Variants in MESD observed in about 807,000 individuals in gnomAD.
The protein encoded by MESD is LRP chaperone MESD.
Under a neutral mutation model 12.9 loss-of-function variants are expected in MESD, and 7 were observed. The ratio of observed to expected loss-of-function variants is 0.54; its 90% CI spans 0.31 to 1.02. The LOEUF is 1.02. MESD is among the 50% of genes least tolerant of loss of function. The probability of loss-of-function intolerance (pLI) is 0.05; values close to 1 mark genes in which losing one functional copy is unlikely to be tolerated. For missense variants in MESD, 342 were observed against 296.7 expected (o/e 1.15, Z -1.12); for synonymous variants, 126 against 115.6 (o/e 1.09, Z -0.58).
Position 80,949,081 on chromosome 15 carries a change from C to G in MESD, c.*627-183G>C, listed in dbSNP as rs1901700084. 4 of 944,686 alleles carry G rather than the reference C, an allele frequency of 4.2e-6. No homozygotes were observed. The East Asian group carries it at 1.0e-4, about 24-fold the overall frequency. The allele number at this position is 944,686 out of a possible 1,614,324, so 58.5% of individuals were successfully genotyped here. ...GGGCCAAGGGAAGGCTATCAGAGAC[C>G]CTGGTGCTGCCACCTGCCCCTACTC... On this transcript the variant is annotated intron_variant, in intron 4 of 4. Coordinates refer to the MESD transcript ENST00000561312.
At position 80,951,363 on chromosome 15, in the gene MESD, C is replaced by T. The variant is rs190564656; in HGVS notation, c.*626+596G>A. ...CATTCACCAAGAGCCAATATCTAGG[C>T]ATTTTCTTGGTAGCACAAATTTTCT... On this transcript the variant is annotated intron_variant, in intron 4 of 4. Transcript: ENST00000561312. 2.6e-5 allele frequency: 4 copies of T among 152,680 alleles called. No homozygotes were observed. The East Asian group carries it at 7.7e-4, about 29-fold the overall frequency. 9.5% of individuals were successfully genotyped at this position (152,680 alleles called of 1,614,324 possible).
At chr15:80,985,102 C>A (rs2141816372) in intron 1 of MESD, among the ~76,000 whole-genome samples, 1 of 152,336 alleles carries the variant, frequency 6.6e-6, no homozygotes, top group African/African-American at 2.4e-5. Flanking sequence ...ACCTTCTTTT[C>A]CACTCTGCCA....
intron 3 of MESD, among the ~76,000 whole-genome samples, chr15:80,961,840 G>T (rs1902092230): frequency 6.6e-6 from 1 of 152,196 alleles, no homozygotes; most frequent in Non-Finnish European, 1.5e-5. Context: ...CCTGAAGGAA[G>T]CATTAAACAT....
downstream of MESD, chr15:80,946,906 A>G: frequency 1.7e-6 from 2 of 1,174,640 alleles, no homozygotes; most frequent in African/African-American, 1.5e-5. Flanking sequence ...ATCCCTCCCC[A>G]TGCCCACTTT....
intron 3 of MESD, among the ~76,000 whole-genome samples, chr15:80,958,100 T>A (rs1902020806): frequency 6.6e-6 from 1 of 152,210 alleles, no homozygotes; most frequent in Non-Finnish European, 1.5e-5. Context: ...AAGTTATTTA[T>A]AGCGGAATTT....
exon 5 of MESD, chr15:80,948,850 C>G (rs201048326): frequency 1.2e-6 from 2 of 1,614,108 alleles, no homozygotes; most frequent in Non-Finnish European, 1.7e-6. Context: ...CTGGGTGACA[C>G]TGGACACTGA....
chr15:80,950,297 A>G (rs1596219460), intron 4 of MESD: 1 of 152,256 alleles, frequency 6.6e-6, no homozygotes, highest in Non-Finnish European at 1.5e-5. Context: ...GGGGAGCCCC[A>G]CCCTAGCCCT....
At chr15:80,985,639 C>CGTTTT (rs1902708144) in intron 1 of MESD, among the ~76,000 whole-genome samples, 1 of 89,050 alleles carries the variant, frequency 1.1e-5, no homozygotes, top group East Asian at 3.0e-4. Context: ...TCCCAAGCAG[C>CGTTTT]TTTTTTTTTT....
intron 1 of MESD, among the ~76,000 whole-genome samples, chr15:80,983,893 A>AATT: frequency 7.9e-6 from 1 of 126,592 alleles, no homozygotes; most frequent in African/African-American, 3.2e-5. Flanking sequence ...GAAAACAGTA[A>AATT]CTTTTTTTTT....
At chr15:80,968,441 G>T (rs945873769) in intron 3 of MESD, among the ~76,000 whole-genome samples, 53 of 152,114 alleles carry the variant, frequency 3.5e-4, no homozygotes, top group African/African-American at 1.2e-3. Flanking sequence ...CTCAGCAAGG[G>T]GCTTAACCCC....
chr15:80,972,858 T>C (rs1306753977), downstream of MESD, among the ~76,000 whole-genome samples: 1 of 152,068 alleles, frequency 6.6e-6, no homozygotes, highest in Non-Finnish European at 1.5e-5. Context: ...CTGTCTCTAC[T>C]AAAAATACAA....
intron 1 of MESD, 79 bp from the exon 2 acceptor site, chr15:80,982,261 G>T: frequency 9.2e-7 from 1 of 1,085,484 alleles, no homozygotes; most frequent in Non-Finnish European, 1.4e-6. Flanking sequence ...ACTTCTGCAT[G>T]ATGTCAGGTG....
rs140272210 is a variant in MESD at position 80,959,681 on chromosome 15, T to A, written c.*289-7385A>T. Among the ~76,000 whole-genome samples, 69 of 152,316 alleles carry A rather than the reference T, an allele frequency of 4.5e-4. No homozygotes were observed. In the East Asian group the frequency reaches 6.4e-3, roughly 14 times the overall value. ...ATTATTAAAGATTTTTAACCCCTCT[T>A]CTTCCAATCCCCCCACCTTTGTGCC... On this transcript the variant is annotated intron_variant, in intron 3 of 4. Coordinates refer to the MESD transcript ENST00000561312.
rs551527527 is a variant in MESD at position 80,987,960 on chromosome 15, T to C, written c.213+1619A>G. Reference sequence around the variant, plus strand: ...CCAACATAAGGAGACCCTGTCTCTATAAAAAATAATTTAAAAAACAAAATC... The same window carrying C: ...CCAACATAAGGAGACCCTGTCTCTACAAAAAATAATTTAAAAAACAAAATC... On this transcript the variant is annotated intron_variant, in intron 1 of 2. Transcript: ENST00000261758. 2.3e-3 allele frequency among the ~76,000 whole-genome samples: 356 copies of C among 152,272 alleles called. 1 individual carries two copies. The highest frequency in any genetic ancestry group is 8.2e-3 in the African/African-American group (340 of 41,566).
downstream of MESD, among the ~76,000 whole-genome samples, chr15:80,973,539 AAAAT>A (rs770624821): frequency 2.6e-5 from 4 of 152,178 alleles, no homozygotes; most frequent in Admixed American, 6.5e-5. Flanking sequence ...TGTCTCAAAA[AAAAT>A]AAATAAATAG....
intron 1 of MESD, among the ~76,000 whole-genome samples, chr15:80,988,613 C>T (rs974054651): frequency 8.5e-5 from 13 of 152,234 alleles, no homozygotes; most frequent in African/African-American, 2.9e-4. Context: ...TTCTTCTAGT[C>T]AGATGCATCA....
intron 4 of MESD, chr15:80,949,191 T>TATC (rs1455677764): frequency 2.0e-6 from 1 of 499,824 alleles, no homozygotes; most frequent in East Asian, 3.9e-5. Flanking sequence ...GCTTCTCTCC[T>TATC]ATCTGTGCCT....
chr15:80,950,576 C>T (rs1012319129), intron 4 of MESD: 5 of 152,318 alleles, frequency 3.3e-5, no homozygotes, highest in African/African-American at 9.6e-5. Context: ...TGCTACCTGG[C>T]TCTCCTGTCT....
intron 3 of MESD, among the ~76,000 whole-genome samples, chr15:80,968,252 C>G (rs1902214617): frequency 6.6e-6 from 1 of 152,208 alleles, no homozygotes; most frequent in African/African-American, 2.4e-5. Context: ...ACCCGCTCTG[C>G]TCTGGCATAC....
Sources: gnomAD v4.1 joint callset for allele counts (sites outside exome capture counted in the v4.1 genomes callset) on GRCh38, gnomAD v4.1.1 for gene constraint, MANE v1.5 for transcripts, NCBI Gene and HGNC (gene_info 2026-07-23, HGNC 2026-07-21) for gene names.